The following CADM1 variants were observed in gnomAD, a reference collection of about 807,000 sequenced individuals.
CADM1 encodes TSLC-1.
In CADM1, 15 loss-of-function variants were observed where a neutral mutation model predicts 53.1. The observed-to-expected ratio is 0.28, with a 90% CI of 0.19 to 0.44. The LOEUF is 0.44. Among genes scored for constraint, CADM1 ranks in the 20% least tolerant of loss-of-function variants. The probability of loss-of-function intolerance (pLI) is 1.00; values close to 1 mark genes in which losing one functional copy is unlikely to be tolerated. For synonymous variants in CADM1, 281 were observed against 243.0 expected, an observed-to-expected ratio of 1.16 and a Z score of -1.45; for missense variants, 434 against 611.3, an observed-to-expected ratio of 0.71 and a Z score of 3.06.
intron 1 of CADM1, among the ~76,000 whole-genome samples, chr11:115,490,458 G>A (rs7937752): frequency 6.6e-6 from 1 of 150,510 alleles, no homozygotes; most frequent in Non-Finnish European, 1.5e-5. Flanking sequence ...GAATGCAGGG[G>A]TGCGATCTCA....
At chr11:115,345,026 T>C (rs1453940549) in intron 1 of CADM1, among the ~76,000 whole-genome samples, 1 of 152,174 alleles carries the variant, frequency 6.6e-6, no homozygotes, top group Non-Finnish European at 1.5e-5. Flanking sequence ...AACAAAGTAT[T>C]CGGCAGAATC....
chr11:115,450,998 C>T (rs184682004), intron 1 of CADM1, among the ~76,000 whole-genome samples: 8 of 152,276 alleles, frequency 5.3e-5, no homozygotes, highest in African/African-American at 1.9e-4. Context: ...TGAATTTACA[C>T]AAAAACCTAA....
intron 1 of CADM1, among the ~76,000 whole-genome samples, chr11:115,475,053 T>C (rs1242825724): frequency 2.6e-5 from 4 of 152,096 alleles, no homozygotes; most frequent in Non-Finnish European, 5.9e-5. Context: ...CCCTCAGTAT[T>C]CATGAGAGAC....
intron 1 of CADM1, among the ~76,000 whole-genome samples, chr11:115,304,856 GTAGT>G (rs780168046): frequency 5.9e-5 from 9 of 151,938 alleles, no homozygotes; most frequent in Non-Finnish European, 1.2e-4. Flanking sequence ...TGATTTTGGA[GTAGT>G]TAAATTACCA....
intron 9 of CADM1, among the ~76,000 whole-genome samples, chr11:115,195,585 C>T (rs1048609975): frequency 6.6e-6 from 1 of 152,134 alleles, no homozygotes; most frequent in Non-Finnish European, 1.5e-5. Context: ...ACAAACATCT[C>T]GAGATTATTC....
intron 1 of CADM1, among the ~76,000 whole-genome samples, chr11:115,337,222 TC>T (rs1945290738): frequency 6.6e-6 from 1 of 152,170 alleles, no homozygotes; most frequent in Non-Finnish European, 1.5e-5. Flanking sequence ...CTTGATGTTC[TC>T]CAGTTCCTTA....
At chr11:115,315,082 T>C (rs767723959) in intron 1 of CADM1, among the ~76,000 whole-genome samples, 2 of 152,280 alleles carry the variant, frequency 1.3e-5, no homozygotes, top group Admixed American at 6.5e-5. Flanking sequence ...AACAGATGCT[T>C]TGAATCATTT....
intron 1 of CADM1, among the ~76,000 whole-genome samples, chr11:115,273,225 G>A (rs140851242): frequency 6.6e-6 from 1 of 152,148 alleles, no homozygotes; most frequent in African/African-American, 2.4e-5. Flanking sequence ...TGTCTAAATG[G>A]CTAAAAATAA....
At chr11:115,366,612 A>C (rs1476091635) in intron 1 of CADM1, among the ~76,000 whole-genome samples, 1 of 152,236 alleles carries the variant, frequency 6.6e-6, no homozygotes. Flanking sequence ...GATGTAAAAA[A>C]TGGCACTAGA....
At chr11:115,467,237 A>G (rs1420259981) in intron 1 of CADM1, among the ~76,000 whole-genome samples, 1 of 152,250 alleles carries the variant, frequency 6.6e-6, no homozygotes, top group East Asian at 1.9e-4. Flanking sequence ...AATCTAAATT[A>G]GGCTTCAGTC....
At chr11:115,374,637 C>A (rs1946393157) in intron 1 of CADM1, among the ~76,000 whole-genome samples, 1 of 152,096 alleles carries the variant, frequency 6.6e-6, no homozygotes, top group Non-Finnish European at 1.5e-5. Flanking sequence ...TATTCTTACC[C>A]TTTATACCCT....
At chr11:115,300,184 G>A (rs910144526) in intron 1 of CADM1, among the ~76,000 whole-genome samples, 6 of 152,010 alleles carry the variant, frequency 3.9e-5, no homozygotes, top group African/African-American at 1.5e-4. Context: ...TTAGCTACTC[G>A]GTGATGATGT....
chr11:115,201,229 G>T (rs1291987789), intron 8 of CADM1, among the ~76,000 whole-genome samples: 1 of 152,164 alleles, frequency 6.6e-6, no homozygotes, highest in Non-Finnish European at 1.5e-5. Flanking sequence ...AGAAACACAG[G>T]CTGGCTACAA....
intron 1 of CADM1, among the ~76,000 whole-genome samples, chr11:115,258,772 G>A (rs1479994154): frequency 6.6e-6 from 1 of 152,146 alleles, no homozygotes; most frequent in East Asian, 1.9e-4. Flanking sequence ...CAAATCTAAG[G>A]AGATGTAGCA....
At chr11:115,501,908 T>G (rs569821033) in intron 1 of CADM1, among the ~76,000 whole-genome samples, 1 of 152,064 alleles carries the variant, frequency 6.6e-6, no homozygotes, top group South Asian at 2.1e-4. Context: ...CCACGAAATA[T>G]ATATATATGC....
chr11:115,462,509 G>A (rs1948817956), intron 1 of CADM1, among the ~76,000 whole-genome samples: 1 of 151,948 alleles, frequency 6.6e-6, no homozygotes, highest in Non-Finnish European at 1.5e-5. Context: ...CATCATCAGC[G>A]GCCTCTGCTG....
chr11:115,174,295 T>C lies in CADM1; in HGVS notation c.*2179A>G. The C allele has an allele frequency of 5.1e-6, 5 of 985,606 alleles. No individual in the cohort carries two copies. The highest frequency in any genetic ancestry group is 6.0e-6 in the Non-Finnish European group (5 of 829,790). 61.1% of individuals were successfully genotyped at this position (985,606 alleles called of 1,614,324 possible). On this transcript the variant is annotated 3_prime_UTR_variant, in exon 12 of 12. Transcript: ENST00000331581. ...TTTTTTTTTGTTTTTGTTTTTGTTTTTCTTTTTTTCTAAAAAGAACAACTG... is the reference window on the plus strand; with the variant it reads ...TTTTTTTTTGTTTTTGTTTTTGTTTCTCTTTTTTTCTAAAAAGAACAACTG...
In CADM1 at chr11:115,369,026, T is replaced by TAAAA. The variant is rs552309443; in HGVS notation, c.125-128610_125-128607dup. Among the ~76,000 whole-genome samples, 47 of 44,748 alleles carry TAAAA rather than the reference T, an allele frequency of 1.1e-3. 2 individuals are homozygous for TAAAA. Among genetic ancestry groups the TAAAA allele is most frequent in the African/African-American group, 3.1e-3 (37 of 11,978 alleles). The allele number at this position is 44,748 out of a possible 152,430, so 29.4% of individuals were successfully genotyped here. On this transcript the variant is annotated intron_variant, in intron 1 of 11. Transcript: ENST00000331581. ...GTGCCTAGCAGAGTGAAAAAAAATC[T>TAAAA]AAAAAAAAAAAAAAAAAAAAAAAAA...
intron 1 of CADM1, among the ~76,000 whole-genome samples, chr11:115,325,239 T>C (rs929032602): frequency 6.6e-6 from 1 of 152,120 alleles, no homozygotes; most frequent in Non-Finnish European, 1.5e-5. Flanking sequence ...ATGCTCCCGA[T>C]CTTTCAGGCC....
Sources: allele counts gnomAD v4.1 joint callset (sites outside exome capture counted in the v4.1 genomes callset), GRCh38; gene constraint gnomAD v4.1.1; transcripts MANE v1.5; gene names NCBI Gene and HGNC (gene_info 2026-07-23, HGNC 2026-07-21).